The following SH3KBP1 variants were observed in gnomAD, a reference collection of about 807,000 sequenced individuals.
SH3KBP1 encodes SH3 domain-containing kinase-binding protein 1.
SH3KBP1 carries 8 observed loss-of-function variants against 50.1 expected under a neutral mutation model. That is an observed-to-expected ratio of 0.16 (90% CI 0.09 to 0.29). The LOEUF (loss-of-function observed/expected upper bound fraction) is 0.29. Ranked by LOEUF, SH3KBP1 falls within the 10% of genes least tolerant of loss-of-function variation. The pLI, the probability that SH3KBP1 is intolerant of heterozygous loss-of-function variation, is 1.00. For missense variants in SH3KBP1, 377 were observed against 535.2 expected (o/e 0.70, Z 2.92); for synonymous variants, 227 against 218.6 (o/e 1.04, Z -0.34).
Position 19,590,887 on chromosome X carries a change from C to T in SH3KBP1, c.1138+1180G>A, listed in dbSNP as rs756197263. Among the ~76,000 whole-genome samples the T allele has an allele frequency of 1.6e-3, 141 of 89,937 alleles. 1 individual carries two copies. Among genetic ancestry groups the T allele is most frequent in the African/African-American group, 5.2e-3 (120 of 22,858 alleles). The allele number at this position is 89,937 out of a possible 115,157, so 78.1% of individuals were successfully genotyped here. On this transcript the variant is annotated intron_variant, in intron 11 of 17. Coordinates refer to ENST00000397821, the MANE Select transcript of SH3KBP1 (RefSeq NM_031892.3). ...ATGTTGCCCAGGCTGGTCTTGAACT[C>T]CTGGGCTCAAGTGATCCTCCCGCCT...
intron 12 of SH3KBP1, among the ~76,000 whole-genome samples, chrX:19,582,526 G>A (rs1280042804): frequency 3.6e-5 from 4 of 112,003 alleles, no homozygotes; most frequent in African/African-American, 6.5e-5. Flanking sequence ...CAACCATTGC[G>A]AATGTTTTCA....
At chrX:19,822,801 C>G (rs1349325967) in intron 2 of SH3KBP1, among the ~76,000 whole-genome samples, 1 of 111,986 alleles carries the variant, frequency 8.9e-6, no homozygotes, top group Non-Finnish European at 1.9e-5. Flanking sequence ...CCTATTGAGG[C>G]TAAGTACGCA....
chrX:19,685,130 G>C (rs963130574), intron 5 of SH3KBP1, among the ~76,000 whole-genome samples: 1 of 112,163 alleles, frequency 8.9e-6, no homozygotes, highest in African/African-American at 3.2e-5. Context: ...TCATAACCAT[G>C]CCCTTGAAAT....
chrX:19,655,229 A>G (rs2062242752), intron 6 of SH3KBP1, among the ~76,000 whole-genome samples: 1 of 110,589 alleles, frequency 9.0e-6, no homozygotes, highest in Non-Finnish European at 1.9e-5. Context: ...ACCTTAATTC[A>G]TTCATTCCTC....
At chrX:19,809,368 C>CA (rs2067142050) in intron 2 of SH3KBP1, among the ~76,000 whole-genome samples, 2 of 110,489 alleles carry the variant, frequency 1.8e-5, no homozygotes, top group East Asian at 5.7e-4. Context: ...TACTAAAATA[C>CA]AAAAAATTAG....
chrX:19,580,283 C>T, intron 12 of SH3KBP1, among the ~76,000 whole-genome samples: 1 of 111,808 alleles, frequency 8.9e-6, no homozygotes, highest in Middle Eastern at 4.6e-3. Flanking sequence ...CACACATATA[C>T]ACACACACAA....
intron 5 of SH3KBP1, among the ~76,000 whole-genome samples, chrX:19,684,290 A>T (rs943449419): frequency 1.8e-5 from 2 of 111,836 alleles, no homozygotes; most frequent in East Asian, 2.8e-4. Context: ...ATCTTTGTAC[A>T]TGTGAAATTC....
chrX:19,664,184 G>A (rs1394991892), intron 6 of SH3KBP1, among the ~76,000 whole-genome samples: 4 of 111,391 alleles, frequency 3.6e-5, no homozygotes, highest in Admixed American at 9.5e-5. Context: ...TCTCCTCATG[G>A]ACTCCGTTTA....
intron 2 of SH3KBP1, among the ~76,000 whole-genome samples, chrX:19,795,696 C>G (rs1036104455): frequency 1.8e-5 from 2 of 111,773 alleles, no homozygotes; most frequent in Non-Finnish European, 3.8e-5. Flanking sequence ...ATGGAGTAAG[C>G]TGTTTGTGCG....
intron 1 of SH3KBP1, among the ~76,000 whole-genome samples, chrX:19,843,272 G>A (rs769922484): frequency 1.6e-4 from 18 of 109,596 alleles, no homozygotes; most frequent in Non-Finnish European, 2.7e-4. Context: ...TACCCACCTC[G>A]GCCTCCCAAA....
chrX:19,828,421 C>T (rs1199598849), intron 2 of SH3KBP1, among the ~76,000 whole-genome samples: 1 of 111,726 alleles, frequency 9.0e-6, no homozygotes. Flanking sequence ...ACTTGTAATC[C>T]CAACACTTGG....
chrX:19,664,450 C>T (rs747099425), intron 6 of SH3KBP1, among the ~76,000 whole-genome samples: 2 of 111,163 alleles, frequency 1.8e-5, no homozygotes, highest in Non-Finnish European at 3.8e-5. Context: ...AGTGATCACT[C>T]CCTGACCCAG....
At chrX:19,605,168 C>A (rs2067204981) in intron 9 of SH3KBP1, among the ~76,000 whole-genome samples, 1 of 110,336 alleles carries the variant, frequency 9.1e-6, no homozygotes, top group African/African-American at 3.3e-5. Flanking sequence ...ATTTACTGCC[C>A]CCCCCCAAGA....
intron 2 of SH3KBP1, among the ~76,000 whole-genome samples, chrX:19,821,806 G>A (rs868609607): frequency 7.1e-5 from 8 of 112,044 alleles, no homozygotes; most frequent in South Asian, 3.7e-4. Flanking sequence ...TGGGATTACC[G>A]GCGTGAGCCA....
chrX:19,605,997 T>A (rs1389254544), intron 9 of SH3KBP1, among the ~76,000 whole-genome samples: 1 of 112,011 alleles, frequency 8.9e-6, no homozygotes, highest in Non-Finnish European at 1.9e-5. Flanking sequence ...GTTGATTTGA[T>A]GAGCTGGAGC....
intron 13 of SH3KBP1, among the ~76,000 whole-genome samples, chrX:19,561,031 G>A (rs776400004): frequency 4.0e-5 from 4 of 99,646 alleles, no homozygotes; most frequent in Admixed American, 3.4e-4. Flanking sequence ...CTGTGACTGT[G>A]CCACTGCACT....
chrX:19,767,235 G>A (rs930523519), intron 2 of SH3KBP1, among the ~76,000 whole-genome samples: 2 of 111,843 alleles, frequency 1.8e-5, no homozygotes, highest in Non-Finnish European at 3.8e-5. Flanking sequence ...TTCCAAAAGG[G>A]ACAAGACACC....
intron 2 of SH3KBP1, among the ~76,000 whole-genome samples, chrX:19,801,384 A>G (rs954109577): frequency 1.2e-4 from 14 of 112,012 alleles, no homozygotes; most frequent in African/African-American, 4.6e-4. Flanking sequence ...AATTATGCAA[A>G]ATAACAAATG....
intron 1 of SH3KBP1, among the ~76,000 whole-genome samples, chrX:19,869,943 T>C (rs1395699338): frequency 8.9e-6 from 1 of 111,846 alleles, no homozygotes; most frequent in East Asian, 2.8e-4. Flanking sequence ...ACCAGAGACA[T>C]TCATTCAAAT....
Sources: allele counts gnomAD v4.1 joint callset (sites outside exome capture counted in the v4.1 genomes callset), GRCh38; gene constraint gnomAD v4.1.1; transcripts MANE v1.5; gene names NCBI Gene and HGNC (gene_info 2026-07-23, HGNC 2026-07-21).